Variants in VIL1 observed in about 807,000 individuals in gnomAD.
The protein encoded by VIL1 is villin-1.
In VIL1, 86 loss-of-function variants were observed where a neutral mutation model predicts 104.0. The observed-to-expected ratio is 0.83, with a 90% CI of 0.69 to 0.99. The LOEUF is 0.99. VIL1 is among the 50% of genes least tolerant of loss of function. The pLI is 0.00. For missense variants in VIL1, 944 were observed against 1,054.1 expected, an observed-to-expected ratio of 0.90 and a Z score of 1.45; for synonymous variants, 394 against 412.6, an observed-to-expected ratio of 0.95 and a Z score of 0.55.
Position 218,446,127 on chromosome 2 carries a change from T to C in VIL1, c.2371-3096T>C, listed in dbSNP as rs183719421. 3.2e-3 allele frequency among the ~76,000 whole-genome samples: 490 copies of C among 152,326 alleles called. 1 individual carries two copies. The highest frequency in any genetic ancestry group is 0.011 in the African/African-American group (471 of 41,586). On this transcript the variant is annotated intron_variant, in intron 19 of 19. Transcript: ENST00000248444. Reference sequence around the variant, plus strand: ...TTTGGAATCCTTCCCCCGACCTCAGTTGTACCTTCTGCCGCTACCCTCCCG... The same window carrying C: ...TTTGGAATCCTTCCCCCGACCTCAGCTGTACCTTCTGCCGCTACCCTCCCG...
chr2:218,436,232 G>A (rs887531894), intron 15 of VIL1, among the ~76,000 whole-genome samples: 2 of 152,156 alleles, frequency 1.3e-5, no homozygotes, highest in Non-Finnish European at 2.9e-5. Flanking sequence ...GGGATGGAGG[G>A]AAGATATCAG....
intron 10 of VIL1, among the ~76,000 whole-genome samples, chr2:218,431,457 C>T (rs922520410): frequency 6.6e-6 from 1 of 151,954 alleles, no homozygotes; most frequent in East Asian, 1.9e-4. Flanking sequence ...TCTTACCAGC[C>T]AGTATTTGCT....
rs1243882952 is a variant in VIL1 at position 218,428,062 on chromosome 2, G to T, written c.445G>T (p.Val149Leu). The T allele has an allele frequency of 1.2e-6, 2 of 1,614,034 alleles. No homozygotes were observed. The highest frequency in any genetic ancestry group is 1.7e-6 in the Non-Finnish European group (2 of 1,180,022). The change falls in exon 5 of 20, where the codon GTA becomes TTA. Residue 149 changes from valine (V) to leucine (L), a missense_variant. Physicochemically the swap from Val to Leu is conservative, Grantham distance 32 (BLOSUM62 1). Transcript: ENST00000248444. ...LLHVKGKRNV[V>L]AGEVEMSWKS... ...GCATGTCAAGGGCAAGAGGAACGTG[G>T]TAGCTGGAGAGGTAGGCAGGCCCCA...
rs534655870 is a variant in VIL1 at position 218,450,789 on chromosome 2, C to G, written c.*1453C>G. On this transcript the variant is annotated 3_prime_UTR_variant, in exon 20 of 20. Transcript: ENST00000248444. ...TCTTATGCCAATGGACATACCTATA[C>G]TTTGAACCTCTGTACTTTTAAGAAA... The G allele has an allele frequency of 6.6e-6, 1 of 152,340 alleles. No individual in the cohort carries two copies. Among genetic ancestry groups the G allele is most frequent in the Non-Finnish European group, 1.5e-5 (1 of 68,036 alleles). 9.4% of individuals were successfully genotyped at this position (152,340 alleles called of 1,614,324 possible).
At chr2:218,432,756 G>A in intron 12 of VIL1, 37 bp from the exon 13 acceptor site, 1 of 1,612,100 alleles carries the variant, frequency 6.2e-7, no homozygotes, top group Non-Finnish European at 8.5e-7. Flanking sequence ...ATTGGGGGCT[G>A]ACCCAATCCC....
intron 13 of VIL1, among the ~76,000 whole-genome samples, chr2:218,433,444 A>G (rs1305508790): frequency 7.3e-6 from 1 of 136,544 alleles, no homozygotes; most frequent in Non-Finnish European, 1.6e-5. Context: ...TTAAAAAAAG[A>G]AAAAAAAAAA....
chr2:218,430,618 G>T (rs1402068330), intron 9 of VIL1, 107 bp from the exon 10 acceptor site: 26 of 1,417,140 alleles, frequency 1.8e-5, no homozygotes, highest in Non-Finnish European at 2.4e-5. Flanking sequence ...TTGGTGCCGG[G>T]GTAGATCTGA....
chr2:218,429,721 T>C (rs757771801), intron 8 of VIL1, 46 bp downstream of exon 8: 1 of 1,611,428 alleles, frequency 6.2e-7, no homozygotes, highest in Non-Finnish European at 8.5e-7. Context: ...CCTGGCCCCC[T>C]TTCCCTCAAG....
intron 1 of VIL1, among the ~76,000 whole-genome samples, chr2:218,420,877 G>A (rs1489732923): frequency 6.6e-6 from 1 of 152,118 alleles, no homozygotes; most frequent in East Asian, 1.9e-4. Flanking sequence ...GAGCCACCAC[G>A]CCCAGCCCAT....
At chr2:218,433,103 A>C in intron 13 of VIL1, 152 bp downstream of exon 13, 1 of 968,634 alleles carries the variant, frequency 1.0e-6, no homozygotes, top group Non-Finnish European at 1.5e-6. Context: ...ACCTATGTGG[A>C]ACTGGTAATA....
rs1465300556 is a variant in VIL1, at chr2:218,428,012, A to G, written c.395A>G (p.Asn132Ser). The change falls in exon 5 of 20, where the codon AAC becomes AGC. Residue 132 changes from asparagine (N) to serine (S), a missense_variant. By Grantham distance (46) the Asn-to-Ser change is conservative. Coordinates refer to ENST00000248444, the MANE Select transcript of VIL1 (RefSeq NM_007127.3). ...VASGMKHVETNSYDVQRLLHV... is the reference protein window; with the variant it reads ...VASGMKHVETSSYDVQRLLHV... The stretch of plus-strand genomic sequence containing the variant: ...TCTGGCATGAAGCACGTGGAGACCA[A>G]CTCCTATGACGTCCAGAGGCTGCTG... 2 of 1,613,954 alleles carry G rather than the reference A, an allele frequency of 1.2e-6. No individual in the cohort carries two copies. Among genetic ancestry groups the G allele is most frequent in the Admixed American group, 3.3e-5 (2 of 59,998 alleles).
At position 218,420,337 on chromosome 2, in the gene VIL1, G is replaced by A. The variant is rs1477265467; in HGVS notation, c.-12+1169G>A. 4.2e-5 allele frequency among the ~76,000 whole-genome samples: 6 copies of A among 141,352 alleles called. No individual in the cohort carries two copies. The East Asian group carries it at 6.6e-4, about 15-fold the overall frequency. The allele number at this position is 141,352 out of a possible 152,430, so 92.7% of individuals were successfully genotyped here. A position where few individuals can be genotyped will look rare whatever the true frequency, so the allele number is the denominator to read the frequency against. Reference sequence around the variant, plus strand: ...CCAGCTACTCGGGAGGCTGAGGCACGAGAATCGCTTGAACCCAGGAGGCGG... The same window carrying A: ...CCAGCTACTCGGGAGGCTGAGGCACAAGAATCGCTTGAACCCAGGAGGCGG... On this transcript the variant is annotated intron_variant, in intron 1 of 19. Transcript: ENST00000248444.
At chr2:218,420,321 C>T (rs1024146644) in intron 1 of VIL1, among the ~76,000 whole-genome samples, 4 of 145,666 alleles carry the variant, frequency 2.7e-5, no homozygotes, top group Non-Finnish European at 4.5e-5. Context: ...CCCAGCTACT[C>T]GGGAGGCTGA....
rs1006436976 is a variant in VIL1 at position 218,433,024 on chromosome 2, G to A, written c.1500+73G>A. 6 of 1,584,754 alleles carry A rather than the reference G, an allele frequency of 3.8e-6. No individual in the cohort carries two copies. In the African/African-American group the frequency reaches 6.7e-5, roughly 18 times the overall value. On this transcript the variant is annotated intron_variant, in intron 13 of 19. Coordinates refer to ENST00000248444, the MANE Select transcript of VIL1 (RefSeq NM_007127.3). ...CAGGCATCCGGGAGATGGAGAAGGG[G>A]ATGGGTGGTGGGAGCAGGGCTTGAG...
chr2:218,424,485 G>A (rs1168558439), intron 3 of VIL1, 134 bp downstream of exon 3: 1 of 909,062 alleles, frequency 1.1e-6, no homozygotes, highest in East Asian at 2.5e-5. Flanking sequence ...GTATGCCCAA[G>A]TGCCCAACCC....
At chr2:218,440,036 A>G (rs960875295) in intron 18 of VIL1, among the ~76,000 whole-genome samples, 1 of 152,116 alleles carries the variant, frequency 6.6e-6, no homozygotes, top group Non-Finnish European at 1.5e-5. Context: ...CAAAACCTGC[A>G]GCACTCATGA....
chr2:218,448,410 C>A (rs1018243411), intron 19 of VIL1, among the ~76,000 whole-genome samples: 2 of 151,726 alleles, frequency 1.3e-5, no homozygotes, highest in Non-Finnish European at 2.9e-5. Flanking sequence ...ACTAAAAATA[C>A]AAAAATTAGC....
chr2:218,425,471 A>G, intron 3 of VIL1, 144 bp from the exon 4 acceptor site: 1 of 706,288 alleles, frequency 1.4e-6, no homozygotes, highest in East Asian at 2.7e-5. Context: ...GCCATGACTC[A>G]GGGCTCCTAA....
Position 218,423,934 on chromosome 2 carries a change from T to A in VIL1, c.75+81T>A, listed in dbSNP as rs543724970. 33 of 1,522,514 alleles carry A rather than the reference T, an allele frequency of 2.2e-5. No individual in the cohort carries two copies. The East Asian group carries it at 7.1e-4, about 33-fold the overall frequency. The allele number at this position is 1,522,514 out of a possible 1,614,324, so 94.3% of individuals were successfully genotyped here. A position where few individuals can be genotyped will look rare whatever the true frequency, so the allele number is the denominator to read the frequency against. ...GCCAAGGAGGGAGGCCTGGGATTTC[T>A]CTTCGTTTCCTCTGCTCCTGCCCTG... On this transcript the variant is annotated intron_variant, in intron 2 of 19. Transcript: ENST00000248444.
Sources: allele counts gnomAD v4.1 joint callset (sites outside exome capture counted in the v4.1 genomes callset), GRCh38; gene constraint gnomAD v4.1.1; transcripts MANE v1.5; gene names NCBI Gene and HGNC (gene_info 2026-07-23, HGNC 2026-07-21).